The following FBXO11 variants were observed in gnomAD, a reference collection of about 807,000 sequenced individuals.
FBXO11 encodes F-box protein 11, also known as F-box only protein 11.
A neutral mutation model predicts 117.0 loss-of-function variants in FBXO11; 13 were observed. The observed-to-expected ratio is 0.11, with a 90% confidence interval of 0.07 to 0.18. The LOEUF (loss-of-function observed/expected upper bound fraction) is 0.18. Among genes scored for constraint, FBXO11 ranks in the 10% least tolerant of loss-of-function variants. The pLI is 1.00. For synonymous variants in FBXO11, 490 were observed against 380.5 expected (o/e 1.29, Z -3.35); for missense variants, 767 against 1,164.4 (o/e 0.66, Z 4.97).
chr2:47,845,659 A>G (rs1416704457), intron 1 of FBXO11, among the ~76,000 whole-genome samples: 1 of 152,132 alleles, frequency 6.6e-6, no homozygotes, highest in East Asian at 1.9e-4. Flanking sequence ...CTTATGTTAT[A>G]CTTACTTTTT....
intron 1 of FBXO11, among the ~76,000 whole-genome samples, chr2:47,902,862 ACT>A (rs1277163818): frequency 2.0e-5 from 3 of 151,938 alleles, no homozygotes; most frequent in African/African-American, 7.3e-5. Context: ...CTATTAAGTA[ACT>A]CTATCCAAGA....
At chr2:47,835,535 G>A (rs1672489866) in intron 5 of FBXO11, among the ~76,000 whole-genome samples, 1 of 151,694 alleles carries the variant, frequency 6.6e-6, no homozygotes, top group South Asian at 2.1e-4. Context: ...GTCTCACTCT[G>A]TCGCCCAGGC....
chr2:47,847,982 G>A (rs1465842594), intron 1 of FBXO11, among the ~76,000 whole-genome samples: 1 of 151,722 alleles, frequency 6.6e-6, no homozygotes, highest in Non-Finnish European at 1.5e-5. Flanking sequence ...AAATTAGCCG[G>A]GCGTGGTGAC....
At chr2:47,828,646 A>G (rs2104779086) in intron 11 of FBXO11, among the ~76,000 whole-genome samples, 1 of 152,050 alleles carries the variant, frequency 6.6e-6, no homozygotes, top group Admixed American at 6.5e-5. Context: ...GGCATTCAAG[A>G]GTTTCACAAG....
intron 1 of FBXO11, among the ~76,000 whole-genome samples, chr2:47,892,128 A>G (rs1433113830): frequency 6.6e-6 from 1 of 152,048 alleles, no homozygotes; most frequent in African/African-American, 2.4e-5. Context: ...TTGATGTCTC[A>G]CTTGTCTATT....
chr2:47,870,684 G>A (rs1461785599), intron 1 of FBXO11, among the ~76,000 whole-genome samples: 1 of 152,208 alleles, frequency 6.6e-6, no homozygotes, highest in Non-Finnish European at 1.5e-5. Context: ...AAACAGAAGT[G>A]TAAGAGAATA....
chr2:47,826,010 T>G (rs772946404), intron 11 of FBXO11, among the ~76,000 whole-genome samples: 3 of 152,168 alleles, frequency 2.0e-5, no homozygotes, highest in Non-Finnish European at 2.9e-5. Context: ...CTTTTTGTTT[T>G]CTTTAGGTTT....
Position 47,905,608 on chromosome 2 carries a change from T to C in FBXO11, c.113A>G (p.Gln38Arg). Residue 38 changes from glutamine to arginine, a missense_variant, in exon 1 of 23, where the codon CAG becomes CGG. Around this residue, in one of 10 missense-constraint regions of FBXO11, gnomAD observed 355 missense variants for 299.8 expected, o/e 1.18. Transcript: ENST00000403359. ...CGGAGGCTGCTGCTGGGGCGGCTGC[T>C]GCTGGGGCGGCTGCGGCGGCGGCTG... Reference protein sequence around the residue: ...PQQPPPQPPQQQPPQQQPPPP... With the variant: ...PQQPPPQPPQRQPPQQQPPPP... The C allele has an allele frequency of 1.5e-6, 2 of 1,348,642 alleles. No homozygotes were observed. The highest frequency in any genetic ancestry group is 1.8e-5 in the South Asian group (1 of 54,958). 83.5% of individuals were successfully genotyped at this position (1,348,642 alleles called of 1,614,324 possible). A position where few individuals can be genotyped will look rare whatever the true frequency, so the allele number is the denominator to read the frequency against.
At chr2:47,891,995 T>C (rs1677292358) in intron 1 of FBXO11, among the ~76,000 whole-genome samples, 1 of 152,228 alleles carries the variant, frequency 6.6e-6, no homozygotes, top group Non-Finnish European at 1.5e-5. Context: ...TTGCAGAAGT[T>C]CCTTAAATAT....
intron 19 of FBXO11, 107 bp from the exon 20 acceptor site, chr2:47,809,814 C>A: frequency 1.5e-6 from 1 of 683,364 alleles, no homozygotes; most frequent in Non-Finnish European, 2.5e-6. Context: ...AGTACATTAA[C>A]CCTCTTAATG....
chr2:47,822,311 T>C lies in FBXO11; in HGVS notation c.1617-8A>G, dbSNP rs1671448005. The C allele has an allele frequency of 6.5e-7, 1 of 1,538,218 alleles. No individual in the cohort carries two copies. Among genetic ancestry groups the C allele is most frequent in the African/African-American group, 1.4e-5 (1 of 71,614 alleles). ...TTAAATATAGAATTTCCCCTATAAT[T>C]ATGCGAAATAAAAAAAAAGAAGACA... On this transcript the variant is annotated splice_region_variant and splice_polypyrimidine_tract_variant and intron_variant, in intron 12 of 22. Transcript: ENST00000403359.
chr2:47,894,726 T>C (rs1558480849), intron 1 of FBXO11, among the ~76,000 whole-genome samples: 1 of 152,212 alleles, frequency 6.6e-6, no homozygotes, highest in Non-Finnish European at 1.5e-5. Flanking sequence ...AAAAGAACTA[T>C]TAAATGTTTG....
chr2:47,900,589 C>CACGTGT lies in FBXO11; in HGVS notation c.232+4899_232+4900insACACGT, dbSNP rs1558486133. On this transcript the variant is annotated intron_variant, in intron 1 of 22. Coordinates refer to ENST00000403359, the MANE Select transcript of FBXO11 (RefSeq NM_001190274.2). ...ATACACACGTATACACACATATATA[C>CACGTGT]GTATATACACACGTATACACACGTA... Among the ~76,000 whole-genome samples, 21 of 113,720 alleles carry CACGTGT rather than the reference C, an allele frequency of 1.8e-4. 3 individuals are homozygous for CACGTGT. Among genetic ancestry groups the CACGTGT allele is most frequent in the Admixed American group, 4.0e-4 (5 of 12,610 alleles). The allele number at this position is 113,720 out of a possible 152,430, so 74.6% of individuals were successfully genotyped here.
chr2:47,855,200 AT>A (rs879453061), intron 1 of FBXO11, among the ~76,000 whole-genome samples: 134 of 144,502 alleles, frequency 9.3e-4, no homozygotes, highest in Admixed American at 1.3e-3. Flanking sequence ...AGGTAGACTC[AT>A]TTTTTTTTTT....
intron 3 of FBXO11, 95 bp from the exon 4 acceptor site, chr2:47,839,098 T>C: frequency 7.7e-7 from 1 of 1,296,286 alleles, no homozygotes. Context: ...AATAGCTTTT[T>C]TTTTTTGGAT....
intron 1 of FBXO11, among the ~76,000 whole-genome samples, chr2:47,859,958 C>T (rs1674624064): frequency 6.6e-6 from 1 of 152,106 alleles, no homozygotes; most frequent in Non-Finnish European, 1.5e-5. Context: ...CATAGATTTT[C>T]CCCCCTTTCT....
chr2:47,843,248 G>C (rs1194189767), intron 1 of FBXO11, among the ~76,000 whole-genome samples: 3 of 152,188 alleles, frequency 2.0e-5, no homozygotes, highest in African/African-American at 7.2e-5. Context: ...GTGCTTGAAA[G>C]GAACATCAAC....
chr2:47,869,864 CA>C (rs1675494543), intron 1 of FBXO11, among the ~76,000 whole-genome samples: 1 of 152,090 alleles, frequency 6.6e-6, no homozygotes, highest in Non-Finnish European at 1.5e-5. Context: ...TTAGTAGAGA[CA>C]GGGGCTTCAC....
chr2:47,828,826 G>A (rs1188839549), intron 11 of FBXO11, among the ~76,000 whole-genome samples: 1 of 152,136 alleles, frequency 6.6e-6, no homozygotes, highest in African/African-American at 2.4e-5. Flanking sequence ...AAGTGTAGTT[G>A]TCCCCAAGTA....
Sources: gnomAD v4.1 joint callset for allele counts (sites outside exome capture counted in the v4.1 genomes callset) on GRCh38, gnomAD v4.1.1 for gene constraint, gnomAD v4.1.1 regional missense constraint, MANE v1.5 for transcripts, NCBI Gene and HGNC (gene_info 2026-07-23, HGNC 2026-07-21) for gene names.